The following MCC variants were observed in gnomAD, a reference collection of about 807,000 sequenced individuals.
MCC encodes MCC regulator of Wnt signaling pathway.
A neutral mutation model predicts 116.2 loss-of-function variants in MCC; 90 were observed. That is an observed-to-expected ratio of 0.77 (90% CI 0.65 to 0.92). The LOEUF is 0.92. Ranked by LOEUF, MCC falls within the 40% of genes least tolerant of loss-of-function variation. The pLI, the probability that MCC is intolerant of heterozygous loss-of-function variation, is 0.00. For missense variants in MCC, 1,516 were observed against 1,312.2 expected (o/e 1.16, Z -2.40); for synonymous variants, 578 against 510.5 (o/e 1.13, Z -1.78).
rs1756601033 is a variant in MCC, at chr5:113,104,251, C to A, written c.1132G>T (p.Val378Leu). The change falls in exon 7 of 19, where the codon GTG becomes TTG. Residue 378 changes from valine to leucine, a missense_variant. Transcript: ENST00000408903. ...GTGAGCTGCTCAATGTGCTTGTCCA[C>A]CTCGGCCACGGAGAGGCTGCAGCTG... The part of the protein sequence containing the change: ...KSSCSLSVAE[V>L]DKHIEQLTTA... 5 of 1,613,968 alleles carry A rather than the reference C, an allele frequency of 3.1e-6. No individual in the cohort carries two copies. The highest frequency in any genetic ancestry group is 2.5e-6 in the Non-Finnish European group (3 of 1,180,030).
At chr5:113,155,573 T>G (rs979470205) in intron 3 of MCC, among the ~76,000 whole-genome samples, 7 of 152,198 alleles carry the variant, frequency 4.6e-5, no homozygotes, top group African/African-American at 1.7e-4. Context: ...GAAAGATAAA[T>G]GTACTAAAGC....
chr5:113,074,031 G>A (rs1172614322), intron 11 of MCC, among the ~76,000 whole-genome samples: 1 of 152,238 alleles, frequency 6.6e-6, no homozygotes, highest in African/African-American at 2.4e-5. Context: ...GAAGAGAGCA[G>A]TGGTTCTCCC....
chr5:113,458,332 C>A (rs772727853), intron 1 of MCC, among the ~76,000 whole-genome samples: 1 of 151,866 alleles, frequency 6.6e-6, no homozygotes, highest in Non-Finnish European at 1.5e-5. Context: ...CCAGACGTGC[C>A]GCCTTAAGAG....
rs147832713 is a variant in MCC, at chr5:113,076,945, T to C, written c.1785-5711A>G. ...AGCAGAGACACACATGGGCTCAAAA[T>C]GAAGGCATGGAGGAAGATCTACCAA... On this transcript the variant is annotated intron_variant, in intron 11 of 18. Transcript: ENST00000408903. Among the ~76,000 whole-genome samples, 340 of 152,102 alleles carry C rather than the reference T, an allele frequency of 2.2e-3. 2 individuals carry two copies. The highest frequency in any genetic ancestry group is 7.8e-3 in the African/African-American group (325 of 41,470).
intron 5 of MCC, among the ~76,000 whole-genome samples, chr5:113,132,449 C>CATAT (rs1237730823): frequency 0.6 from 66,462 of 111,552 alleles, 18,734 homozygotes; most frequent in East Asian, 0.74. Context: ...TATATACACA[C>CATAT]ACACACACAC....
rs541711996 is a variant in MCC at position 113,455,903 on chromosome 5, A to T, written c.170+32342T>A. 8.5e-5 allele frequency among the ~76,000 whole-genome samples: 13 copies of T among 152,344 alleles called. 1 individual carries two copies. The highest frequency in any genetic ancestry group is 8.5e-4 in the Admixed American group (13 of 15,298). On this transcript the variant is annotated intron_variant, in intron 1 of 18. Transcript: ENST00000408903. ...AACGGACCTGCACAATTATCCCTAT[A>T]TATTTTGGAAATAAAGAGAGGTGCC...
At chr5:113,289,638 G>T (rs1766408323) in intron 3 of MCC, among the ~76,000 whole-genome samples, 1 of 152,100 alleles carries the variant, frequency 6.6e-6, no homozygotes, top group Non-Finnish European at 1.5e-5. Flanking sequence ...GCCACATAGG[G>T]ATGCCCATGT....
chr5:113,304,694 A>AAACT (rs141593170), intron 3 of MCC, among the ~76,000 whole-genome samples: 3,144 of 152,272 alleles, frequency 0.021, 32 homozygotes, highest in Middle Eastern at 0.027. Context: ...AAATTTCTTT[A>AAACT]AACTATATCA....
chr5:113,474,289 G>A (rs1288448733), intron 1 of MCC, among the ~76,000 whole-genome samples: 1 of 152,132 alleles, frequency 6.6e-6, no homozygotes, highest in South Asian at 2.1e-4. Context: ...GTATGTGCAA[G>A]GTACTAGGGC....
At chr5:113,232,781 C>G (rs1469030381) in intron 3 of MCC, among the ~76,000 whole-genome samples, 1 of 152,158 alleles carries the variant, frequency 6.6e-6, no homozygotes, top group Non-Finnish European at 1.5e-5. Flanking sequence ...AACCCAGACT[C>G]TTCACCATGT....
chr5:113,111,232 G>A (rs942010848), intron 6 of MCC, among the ~76,000 whole-genome samples: 4 of 152,168 alleles, frequency 2.6e-5, no homozygotes, highest in African/African-American at 7.2e-5. Context: ...AGGGAAACAG[G>A]TATTCCCAGC....
At chr5:113,201,845 A>G (rs1424870758) in intron 3 of MCC, among the ~76,000 whole-genome samples, 1 of 152,174 alleles carries the variant, frequency 6.6e-6, no homozygotes, top group African/African-American at 2.4e-5. Context: ...CACTTAAGCT[A>G]ATTGAGACCA....
intron 2 of MCC, among the ~76,000 whole-genome samples, chr5:113,379,551 G>T (rs1769064180): frequency 6.6e-6 from 1 of 152,120 alleles, no homozygotes; most frequent in Non-Finnish European, 1.5e-5. Flanking sequence ...GGTGAAATTG[G>T]GATCTATCTT....
At chr5:113,408,849 A>G (rs1580341254) in intron 1 of MCC, among the ~76,000 whole-genome samples, 1 of 152,162 alleles carries the variant, frequency 6.6e-6, no homozygotes, top group Non-Finnish European at 1.5e-5. Context: ...ATGAACATGT[A>G]CCAGGCTTCA....
intron 3 of MCC, among the ~76,000 whole-genome samples, chr5:113,193,582 G>C (rs892955672): frequency 1.3e-5 from 2 of 152,150 alleles, no homozygotes; most frequent in Non-Finnish European, 2.9e-5. Context: ...TAGTGTTTGT[G>C]TATGCGTGGG....
intron 6 of MCC, among the ~76,000 whole-genome samples, chr5:113,121,787 A>G (rs559662730): frequency 2.6e-4 from 40 of 152,240 alleles, no homozygotes; most frequent in Middle Eastern, 6.8e-3. Flanking sequence ...TTCTTCTTCC[A>G]TCTCTCCCAT....
Position 113,295,000 on chromosome 5 carries a change from G to T in MCC, c.627+45519C>A, listed in dbSNP as rs1581379510. ...GGCCACGGGGTGCGCGGAGGAGGCG[G>T]GGCTAGAGGGAGAAAAGGGTGGGGG... On this transcript the variant is annotated intron_variant, in intron 3 of 18. Coordinates refer to ENST00000408903, the MANE Select transcript of MCC (RefSeq NM_001085377.2). 3.0e-5 allele frequency: 29 copies of T among 980,850 alleles called. No individual in the cohort carries two copies. In the South Asian group the frequency reaches 1.3e-3, roughly 43 times the overall value. 60.8% of individuals were successfully genotyped at this position (980,850 alleles called of 1,614,324 possible). A position where few individuals can be genotyped will look rare whatever the true frequency, so the allele number is the denominator to read the frequency against.
At chr5:113,274,485 G>A (rs536641535) in intron 3 of MCC, among the ~76,000 whole-genome samples, 6 of 152,254 alleles carry the variant, frequency 3.9e-5, no homozygotes, top group South Asian at 4.1e-4. Flanking sequence ...ACAGCCTCCC[G>A]AGTAGCTGGG....
At chr5:113,336,943 A>G (rs906434336) in intron 3 of MCC, among the ~76,000 whole-genome samples, 5 of 152,220 alleles carry the variant, frequency 3.3e-5, no homozygotes, top group Non-Finnish European at 7.3e-5. Flanking sequence ...GGAAATCCTC[A>G]ATGCTAAAAA....
Sources: allele counts gnomAD v4.1 joint callset (sites outside exome capture counted in the v4.1 genomes callset), GRCh38; gene constraint gnomAD v4.1.1; transcripts MANE v1.5; gene names NCBI Gene and HGNC (gene_info 2026-07-23, HGNC 2026-07-21).